KPNA5: variants seen among roughly 807,000 people sequenced by gnomAD.
KPNA5 encodes importin subunit alpha-6.
Under a neutral mutation model 71.3 loss-of-function variants are expected in KPNA5, and 46 were observed. The observed-to-expected ratio is 0.65, with a 90% CI of 0.51 to 0.83. KPNA5 has a LOEUF of 0.83. KPNA5 is among the 40% of genes least tolerant of loss of function. KPNA5 has a pLI of 0.00. For missense variants in KPNA5, 547 were observed against 628.3 expected (o/e 0.87, Z 1.38); for synonymous variants, 207 against 201.4 (o/e 1.03, Z -0.24).
chr6:116,685,738 C>T (rs1037062614), intron 1 of KPNA5, among the ~76,000 whole-genome samples: 1 of 152,086 alleles, frequency 6.6e-6, no homozygotes, highest in Non-Finnish European at 1.5e-5. Flanking sequence ...AAAACTGCTG[C>T]ACTGAACATT....
At chr6:116,689,226 C>T in intron 1 of KPNA5, 94 bp from the exon 2 acceptor site, 4 of 1,319,192 alleles carry the variant, frequency 3.0e-6, no homozygotes, top group Non-Finnish European at 3.1e-6. Context: ...ACCTGTTAAT[C>T]AGTGAGCCTG....
At chr6:116,697,762 G>A (rs1300713159) in intron 4 of KPNA5, among the ~76,000 whole-genome samples, 3 of 151,980 alleles carry the variant, frequency 2.0e-5, no homozygotes, top group East Asian at 1.9e-4. Context: ...GGTGGATGCA[G>A]GGCAAGGGAA....
At chr6:116,692,856 G>A (rs906920723) in intron 4 of KPNA5, among the ~76,000 whole-genome samples, 1 of 152,112 alleles carries the variant, frequency 6.6e-6, no homozygotes, top group Non-Finnish European at 1.5e-5. Context: ...TTTAACATTA[G>A]TTATATCTCC....
At chr6:116,715,775 G>C (rs1778861609) in intron 7 of KPNA5, among the ~76,000 whole-genome samples, 1 of 152,000 alleles carries the variant, frequency 6.6e-6, no homozygotes. Context: ...AATTATCCAG[G>C]CGTGGTGGCA....
intron 2 of KPNA5, among the ~76,000 whole-genome samples, chr6:116,691,659 A>G (rs977060570): frequency 6.6e-6 from 1 of 152,246 alleles, no homozygotes; most frequent in African/African-American, 2.4e-5. Context: ...CTGTTAATGT[A>G]TCAGATGTTA....
chr6:116,713,097 A>T (rs968390579), intron 7 of KPNA5, among the ~76,000 whole-genome samples: 6 of 152,060 alleles, frequency 3.9e-5, no homozygotes, highest in African/African-American at 1.4e-4. Context: ...GGAAAAAAAG[A>T]GGAATTACAA....
chr6:116,720,163 G>A (rs370721069), intron 8 of KPNA5, among the ~76,000 whole-genome samples: 29 of 152,164 alleles, frequency 1.9e-4, no homozygotes, highest in South Asian at 8.3e-4. Context: ...CTTTAGCACC[G>A]TTTCCCCTGC....
intron 7 of KPNA5, among the ~76,000 whole-genome samples, chr6:116,710,700 T>G (rs1156777235): frequency 3.3e-5 from 5 of 151,666 alleles, no homozygotes; most frequent in African/African-American, 1.2e-4. Context: ...ATAGTTCTAT[T>G]TAGATTTTCT....
chr6:116,693,826 A>C (rs1777908712), intron 4 of KPNA5, among the ~76,000 whole-genome samples: 1 of 151,882 alleles, frequency 6.6e-6, no homozygotes, highest in Non-Finnish European at 1.5e-5. Context: ...CTATGTCCTG[A>C]ATGGTATTGC....
At chr6:116,709,080 C>T (rs988849361) in intron 7 of KPNA5, among the ~76,000 whole-genome samples, 6 of 152,174 alleles carry the variant, frequency 3.9e-5, no homozygotes, top group Non-Finnish European at 4.4e-5. Context: ...AGCCACCACA[C>T]CTGGCCTGTA....
chr6:116,709,175 A>G (rs930486457), intron 7 of KPNA5, among the ~76,000 whole-genome samples: 1 of 152,204 alleles, frequency 6.6e-6, no homozygotes, highest in Non-Finnish European at 1.5e-5. Context: ...CATATATTAG[A>G]TCATGTCATC....
rs927456574 is a variant in KPNA5 at position 116,741,111 on chromosome 6, A to G, written c.*8788A>G. 6.6e-6 allele frequency: 1 copy of G among 152,100 alleles called. No homozygotes were observed. Among genetic ancestry groups the G allele is most frequent in the Non-Finnish European group, 1.5e-5 (1 of 68,012 alleles). 9.4% of individuals were successfully genotyped at this position (152,100 alleles called of 1,614,324 possible). Reference sequence around the variant, plus strand: ...GTTGATACTTGCTTTATGATCTGATATGTGTTGGTTTTAGTGAAATGGCCC... The same window carrying G: ...GTTGATACTTGCTTTATGATCTGATGTGTGTTGGTTTTAGTGAAATGGCCC... On this transcript the variant is annotated 3_prime_UTR_variant, in exon 14 of 14. Coordinates refer to ENST00000368564, the MANE Select transcript of KPNA5 (RefSeq NM_001366306.2).
At position 116,724,325 on chromosome 6, in the gene KPNA5, G is replaced by C; in HGVS notation, c.949G>C (p.Ala317Pro). 1 of 1,609,824 alleles carries C rather than the reference G, an allele frequency of 6.2e-7. No homozygotes were observed. Among genetic ancestry groups the C allele is most frequent in the Non-Finnish European group, 8.5e-7 (1 of 1,176,564 alleles). Residue 317 changes from alanine to proline, a missense_variant, in exon 10 of 14, where the codon GCA becomes CCA. Transcript: ENST00000368564. ...CAATGATTATAAAGTTGTATCACCTGCATTAAGGGCAGTTGGTAATATTGT... is the reference window on the plus strand; with the variant it reads ...CAATGATTATAAAGTTGTATCACCTCCATTAAGGGCAGTTGGTAATATTGT... Reference protein sequence around the residue: ...MHNDYKVVSPALRAVGNIVTG... With the variant: ...MHNDYKVVSPPLRAVGNIVTG...
intron 5 of KPNA5, among the ~76,000 whole-genome samples, chr6:116,699,547 G>A (rs184262905): frequency 6.6e-6 from 1 of 152,284 alleles, no homozygotes; most frequent in East Asian, 1.9e-4. Flanking sequence ...GGTCTACTTA[G>A]CTGAATAATT....
rs1368673774 is a variant in KPNA5, at chr6:116,736,569, A to AT, written c.*4247dup. Reference sequence around the variant, plus strand: ...GAGAGTAACACAAAGTTTTAAATGCATATTTTACACCCCAAAGCAACCAAT... The same window carrying AT: ...GAGAGTAACACAAAGTTTTAAATGCATTATTTTACACCCCAAAGCAACCAAT... On this transcript the variant is annotated 3_prime_UTR_variant, in exon 14 of 14. Coordinates refer to ENST00000368564, the MANE Select transcript of KPNA5 (RefSeq NM_001366306.2). 1.3e-5 allele frequency: 2 copies of AT among 152,010 alleles called. No individual in the cohort carries two copies. Among genetic ancestry groups the AT allele is most frequent in the Admixed American group, 6.6e-5 (1 of 15,200 alleles). The allele number at this position is 152,010 out of a possible 1,614,324, so 9.4% of individuals were successfully genotyped here. A position where few individuals can be genotyped will look rare whatever the true frequency, so the allele number is the denominator to read the frequency against.
At chr6:116,708,762 AC>A (rs1457805759) in intron 7 of KPNA5, among the ~76,000 whole-genome samples, 2 of 152,084 alleles carry the variant, frequency 1.3e-5, no homozygotes, top group Admixed American at 6.6e-5. Context: ...AATACAACTA[AC>A]TGATTTTTGT....
intron 7 of KPNA5, among the ~76,000 whole-genome samples, chr6:116,709,085 C>A (rs897303039): frequency 6.6e-6 from 1 of 152,162 alleles, no homozygotes; most frequent in Non-Finnish European, 1.5e-5. Flanking sequence ...CCACACCTGG[C>A]CTGTATGTTG....
chr6:116,716,353 T>TCC (rs1778887501), intron 8 of KPNA5, 35 bp downstream of exon 8: 1 of 1,402,322 alleles, frequency 7.1e-7, no homozygotes. Context: ...AATATTTGTT[T>TCC]CCATAAACCT....
intron 7 of KPNA5, among the ~76,000 whole-genome samples, chr6:116,711,577 A>G (rs989928618): frequency 2.1e-5 from 3 of 142,860 alleles, no homozygotes; most frequent in African/African-American, 8.2e-5. Context: ...TTAACTCACT[A>G]GTTATTTAAG....
Sources: gnomAD v4.1 joint callset for allele counts (sites outside exome capture counted in the v4.1 genomes callset) on GRCh38, gnomAD v4.1.1 for gene constraint, MANE v1.5 for transcripts, NCBI Gene and HGNC (gene_info 2026-07-23, HGNC 2026-07-21) for gene names.